NDUFAF6: variants seen among roughly 807,000 people sequenced by gnomAD.
NDUFAF6 encodes NADH:ubiquinone oxidoreductase complex assembly factor 6.
A neutral mutation model predicts 40.8 loss-of-function variants in NDUFAF6; 45 were observed. The ratio of observed to expected loss-of-function variants is 1.10; its 90% CI spans 0.87 to 1.42. The LOEUF (loss-of-function observed/expected upper bound fraction) is 1.42. Ranked by LOEUF, NDUFAF6 falls within the 40% of genes most tolerant of loss-of-function variation. The pLI, the probability that NDUFAF6 is intolerant of heterozygous loss-of-function variation, is 0.00. For synonymous variants in NDUFAF6, 185 were observed against 155.9 expected (o/e 1.19, Z -1.39); for missense variants, 435 against 418.5 (o/e 1.04, Z -0.34).
At chr8:94,975,973 G>GT (rs1824878995) in intron 1 of NDUFAF6, 1 of 152,138 alleles carries the variant, frequency 6.6e-6, no homozygotes, top group Non-Finnish European at 1.5e-5. Context: ...CACTTTGGGA[G>GT]GCAGAGGCAG....
At chr8:95,076,149 C>A (rs1156398754) in exon 10 of NDUFAF6, 1 of 153,676 alleles carries the variant, frequency 6.5e-6, no homozygotes, top group Non-Finnish European at 1.5e-5. Flanking sequence ...TCCTTCCTCA[C>A]ACAATTCACA....
At chr8:94,974,145 A>C (rs887759253) in intron 1 of NDUFAF6, among the ~76,000 whole-genome samples, 4 of 152,000 alleles carry the variant, frequency 2.6e-5, no homozygotes, top group African/African-American at 9.7e-5. Flanking sequence ...AAGGTCATTC[A>C]GGGCACTGAC....
chr8:95,117,893 T>C (rs1274333608), downstream of NDUFAF6, among the ~76,000 whole-genome samples: 1 of 152,208 alleles, frequency 6.6e-6, no homozygotes, highest in Non-Finnish European at 1.5e-5. Flanking sequence ...GATGTTCTGG[T>C]TATTGATTTC....
intron 7 of NDUFAF6, among the ~76,000 whole-genome samples, chr8:95,049,237 G>A (rs547522862): frequency 1.3e-4 from 19 of 150,980 alleles, no homozygotes; most frequent in African/African-American, 3.7e-4. Flanking sequence ...CACCATAGAC[G>A]TCTCTCTCTG....
intron 8 of NDUFAF6, among the ~76,000 whole-genome samples, chr8:95,053,441 A>G (rs1427421406): frequency 6.6e-6 from 1 of 152,108 alleles, no homozygotes; most frequent in Non-Finnish European, 1.5e-5. Flanking sequence ...GTAAAGGTTA[A>G]GGACTTTGTT....
At chr8:94,962,406 C>T (rs1823650979) in intron 1 of NDUFAF6, among the ~76,000 whole-genome samples, 1 of 152,166 alleles carries the variant, frequency 6.6e-6, no homozygotes, top group Admixed American at 6.5e-5. Flanking sequence ...AATTCTCGTG[C>T]CTCAGCCTCC....
chr8:94,926,696 C>T (rs1330698403), intron 1 of NDUFAF6: 1 of 152,176 alleles, frequency 6.6e-6, no homozygotes, highest in Admixed American at 6.5e-5. Context: ...TCAAGAGTAA[C>T]TCTCCTCCCA....
At chr8:94,948,481 G>A (rs1283091969) in intron 2 of NDUFAF6, among the ~76,000 whole-genome samples, 1 of 152,226 alleles carries the variant, frequency 6.6e-6, no homozygotes, top group African/African-American at 2.4e-5. Context: ...GCAAAGTCAG[G>A]TAGCGAAGAC....
chr8:94,932,218 C>T, intron 1 of NDUFAF6: 1 of 1,129,510 alleles, frequency 8.9e-7, no homozygotes, highest in African/African-American at 1.5e-5. Flanking sequence ...TACTATGTGC[C>T]ATTAAAGGCA....
At chr8:94,932,747 G>A (rs1405085935) in intron 1 of NDUFAF6, among the ~76,000 whole-genome samples, 5 of 152,154 alleles carry the variant, frequency 3.3e-5, no homozygotes, top group African/African-American at 1.2e-4. Flanking sequence ...AGCTTGCAGT[G>A]AGCCGAGATA....
At chr8:95,058,747 T>C (rs1832479932), downstream of NDUFAF6, 17 of 989,608 alleles carry the variant, frequency 1.7e-5, no homozygotes, top group Non-Finnish European at 1.9e-5. Context: ...TGCTTCCCAG[T>C]GATGAGCACT....
At chr8:95,041,713 T>G in intron 4 of NDUFAF6, 87 bp downstream of exon 4, 1 of 1,128,914 alleles carries the variant, frequency 8.9e-7, no homozygotes, top group South Asian at 1.3e-5. Flanking sequence ...TTTGACTGTA[T>G]ATTAATATTT....
intron 1 of NDUFAF6, among the ~76,000 whole-genome samples, chr8:94,897,110 A>C (rs1025591150): frequency 2.0e-5 from 3 of 152,202 alleles, no homozygotes; most frequent in Non-Finnish European, 4.4e-5. Context: ...GGGTCACCTG[A>C]TCGTAAGCAG....
intron 2 of NDUFAF6, among the ~76,000 whole-genome samples, chr8:95,090,159 G>A (rs993050768): frequency 6.6e-6 from 1 of 151,860 alleles, no homozygotes; most frequent in South Asian, 2.1e-4. Context: ...TGTCTATTCG[G>A]TGTGGCCCCT....
At chr8:94,967,983 A>G (rs1485002681) in intron 1 of NDUFAF6, among the ~76,000 whole-genome samples, 1 of 151,082 alleles carries the variant, frequency 6.6e-6, no homozygotes, top group Non-Finnish European at 1.5e-5. Context: ...AGTCATCTTA[A>G]GGCCAACCAG....
chr8:95,114,484 T>A (rs1308377543), intron 4 of NDUFAF6, among the ~76,000 whole-genome samples: 1 of 152,258 alleles, frequency 6.6e-6, no homozygotes, highest in African/African-American at 2.4e-5. Flanking sequence ...GAACTGCCTA[T>A]GGAGGTGTAC....
chr8:94,941,775 A>G (rs1330670258), intron 1 of NDUFAF6, among the ~76,000 whole-genome samples: 1 of 152,186 alleles, frequency 6.6e-6, no homozygotes, highest in African/African-American at 2.4e-5. Context: ...TGAGTTAGGA[A>G]GTTATGTGAC....
At chr8:95,047,508 C>CTTTTTTTTTTTTTTTTTTTT in intron 6 of NDUFAF6, among the ~76,000 whole-genome samples, 1 of 126,418 alleles carries the variant, frequency 7.9e-6, no homozygotes, top group Non-Finnish European at 1.7e-5. Flanking sequence ...CTTTTCTTTT[C>CTTTTTTTTTTTTTTTTTTTT]TTTTTTTTTT....
intron 1 of NDUFAF6, among the ~76,000 whole-genome samples, chr8:94,962,449 T>C (rs1469039889): frequency 6.6e-6 from 1 of 152,098 alleles, no homozygotes; most frequent in Admixed American, 6.5e-5. Context: ...TGTGCCACCA[T>C]GCCTGACTAA....
Sources: allele counts gnomAD v4.1 joint callset (sites outside exome capture counted in the v4.1 genomes callset), GRCh38; gene constraint gnomAD v4.1.1; transcripts MANE v1.5; gene names NCBI Gene and HGNC (gene_info 2026-07-23, HGNC 2026-07-21).